ZFHX3: variants seen among roughly 807,000 people sequenced by gnomAD.
ZFHX3 encodes zinc finger homeobox 3.
In ZFHX3, 42 loss-of-function variants were observed where a neutral mutation model predicts 279.1. The observed-to-expected ratio is 0.15, with a 90% CI of 0.12 to 0.19. ZFHX3 has a LOEUF of 0.19. Ranked by LOEUF, ZFHX3 falls within the 10% of genes least tolerant of loss-of-function variation. ZFHX3 has a pLI of 1.00. For synonymous variants in ZFHX3, 2,293 were observed against 1,957.8 expected, an observed-to-expected ratio of 1.17 and a Z score of -4.52; for missense variants, 4,981 against 4,754.0, an observed-to-expected ratio of 1.05 and a Z score of -1.40.
In ZFHX3 at chr16:73,019,350, G is replaced by A. The variant is rs1031773940; in HGVS notation, c.-50+28402C>T. Among the ~76,000 whole-genome samples the A allele has an allele frequency of 4.3e-4, 65 of 151,592 alleles. 2 individuals carry two copies. The South Asian group carries it at 7.9e-3, about 19-fold the overall frequency. On this transcript the variant is annotated intron_variant, in intron 1 of 9. Transcript: ENST00000268489. ...TGCGTGTGTGTGTCTGTGCGTGTGTGTGTGTGTGTGTGTGTGTGCGTGTGC... is the reference window on the plus strand; with the variant it reads ...TGCGTGTGTGTGTCTGTGCGTGTGTATGTGTGTGTGTGTGTGTGCGTGTGC...
chr16:73,887,573 C>A (rs2030388019), intron 1 of ZFHX3, among the ~76,000 whole-genome samples: 1 of 151,930 alleles, frequency 6.6e-6, no homozygotes, highest in African/African-American at 2.4e-5. Flanking sequence ...CAAAAAAAAG[C>A]AGGCTCTTGT....
chr16:73,002,410 G>A (rs1418612561), intron 1 of ZFHX3, among the ~76,000 whole-genome samples: 1 of 152,078 alleles, frequency 6.6e-6, no homozygotes, highest in Non-Finnish European at 1.5e-5. Flanking sequence ...GTAGATCAGA[G>A]CGTCTTCTCC....
intron 2 of ZFHX3, among the ~76,000 whole-genome samples, chr16:73,590,254 C>T (rs2051980462): frequency 6.6e-6 from 1 of 152,210 alleles, no homozygotes; most frequent in South Asian, 2.1e-4. Context: ...AAAACCATAA[C>T]TGGCCTGCTA....
intron 2 of ZFHX3, among the ~76,000 whole-genome samples, chr16:73,528,272 C>T (rs1025508380): frequency 5.9e-5 from 9 of 152,132 alleles, no homozygotes; most frequent in East Asian, 1.9e-4. Context: ...TTATCAGGCA[C>T]GATTATTACA....
At chr16:72,854,417 G>A (rs1025886235) in intron 4 of ZFHX3, among the ~76,000 whole-genome samples, 3 of 152,154 alleles carry the variant, frequency 2.0e-5, no homozygotes, top group African/African-American at 7.2e-5. Context: ...AAGCCAAGCT[G>A]CATTACTAAA....
chr16:73,251,394 C>T (rs1416444921), intron 5 of ZFHX3, among the ~76,000 whole-genome samples: 1 of 152,178 alleles, frequency 6.6e-6, no homozygotes, highest in Non-Finnish European at 1.5e-5. Context: ...TGTTAGGGGC[C>T]AAGCGTGGCT....
chr16:73,123,262 T>G (rs1029258489), intron 7 of ZFHX3: 1 of 131,534 alleles, frequency 7.6e-6, no homozygotes, highest in South Asian at 2.6e-4. Context: ...AGACGTGGAG[T>G]CAGTTTCACC....
At chr16:73,830,992 C>T (rs904852354) in intron 1 of ZFHX3, among the ~76,000 whole-genome samples, 6 of 152,200 alleles carry the variant, frequency 3.9e-5, no homozygotes, top group African/African-American at 1.4e-4. Context: ...AGTTCACTAG[C>T]TCAAAGACTG....
chr16:72,950,372 G>C (rs1960923194), intron 3 of ZFHX3, 97 bp downstream of exon 3: 1 of 1,534,062 alleles, frequency 6.5e-7, no homozygotes, highest in Non-Finnish European at 8.8e-7. Context: ...GGCCATGCCA[G>C]AGACTGTCCG....
intron 1 of ZFHX3, among the ~76,000 whole-genome samples, chr16:73,764,167 T>C (rs1310237400): frequency 6.6e-6 from 1 of 152,122 alleles, no homozygotes. Flanking sequence ...TGCCAGTGTG[T>C]CAGACACCAG....
chr16:73,129,790 G>A (rs1272688614), intron 7 of ZFHX3, among the ~76,000 whole-genome samples: 2 of 151,668 alleles, frequency 1.3e-5, no homozygotes, highest in African/African-American at 4.8e-5. Flanking sequence ...CGATATTTTG[G>A]GTATGGGCTA....
At chr16:72,969,235 G>T (rs1389301389) in intron 1 of ZFHX3, among the ~76,000 whole-genome samples, 1 of 152,154 alleles carries the variant, frequency 6.6e-6, no homozygotes, top group African/African-American at 2.4e-5. Flanking sequence ...AAGTGGCTGT[G>T]AGGCTGGACA....
intron 1 of ZFHX3, among the ~76,000 whole-genome samples, chr16:73,709,060 C>T (rs1028087165): frequency 1.3e-5 from 2 of 152,084 alleles, no homozygotes; most frequent in African/African-American, 4.8e-5. Flanking sequence ...TACCTATCTC[C>T]ACAAGGTTGT....
chr16:72,793,109 G>C lies in ZFHX3; in HGVS notation c.9427+146C>G. The C allele has an allele frequency of 7.0e-7, 1 of 1,421,292 alleles. No individual in the cohort carries two copies. The highest frequency in any genetic ancestry group is 1.4e-5 in the South Asian group (1 of 69,788). 88.0% of individuals were successfully genotyped at this position (1,421,292 alleles called of 1,614,324 possible). A position where few individuals can be genotyped will look rare whatever the true frequency, so the allele number is the denominator to read the frequency against. Reference sequence around the variant, plus strand: ...AGTACTTGGGAGACTCAACAGGAACGAACTGAAGTCTTGTTGCTTTTAAAG... The same window carrying C: ...AGTACTTGGGAGACTCAACAGGAACCAACTGAAGTCTTGTTGCTTTTAAAG... On this transcript the variant is annotated intron_variant, in intron 9 of 9. Coordinates refer to ENST00000268489, the MANE Select transcript of ZFHX3 (RefSeq NM_006885.4). The surrounding 1 kb of genome is among the most constrained non-coding windows in gnomAD (Gnocchi z 4.3).
chr16:72,891,513 A>G (rs193020647), intron 3 of ZFHX3, among the ~76,000 whole-genome samples: 1 of 152,312 alleles, frequency 6.6e-6, no homozygotes, highest in East Asian at 1.9e-4. Flanking sequence ...CCTGGTGTAG[A>G]AAGGCCATCT....
At chr16:72,950,421 C>A in intron 3 of ZFHX3, 48 bp downstream of exon 3, 1 of 1,590,498 alleles carries the variant, frequency 6.3e-7, no homozygotes. Flanking sequence ...GGTGCGCAAC[C>A]CCCTCCTTTC....
intron 1 of ZFHX3, among the ~76,000 whole-genome samples, chr16:73,768,556 TA>T (rs2142290039): frequency 6.6e-6 from 1 of 152,336 alleles, no homozygotes; most frequent in East Asian, 1.9e-4. Flanking sequence ...AGTGTCACCT[TA>T]ATCCTTCCTG....
At chr16:73,040,713 A>C (rs565893456) in intron 1 of ZFHX3, among the ~76,000 whole-genome samples, 1 of 152,362 alleles carries the variant, frequency 6.6e-6, no homozygotes, top group East Asian at 1.9e-4. Context: ...GGTGGTAAGA[A>C]ACGAAAGGTA....
At chr16:73,483,378 G>A (rs192586994) in intron 2 of ZFHX3, 15 of 454,130 alleles carry the variant, frequency 3.3e-5, no homozygotes, top group Admixed American at 2.6e-4. Context: ...AGTTCCTCAA[G>A]AGAGCCGGGA....
Sources: gnomAD v4.1 joint callset for allele counts (sites outside exome capture counted in the v4.1 genomes callset) on GRCh38, gnomAD v4.1.1 for gene constraint, Gnocchi (gnomAD v3.1) non-coding constraint, MANE v1.5 for transcripts, NCBI Gene and HGNC (gene_info 2026-07-23, HGNC 2026-07-21) for gene names.